MAP4: variants seen among roughly 807,000 people sequenced by gnomAD.
MAP4 encodes the protein microtubule associated protein 4.
MAP4 carries 76 observed loss-of-function variants against 170.2 expected under a neutral mutation model. The ratio of observed to expected loss-of-function variants is 0.45; its 90% CI spans 0.37 to 0.54. The LOEUF (loss-of-function observed/expected upper bound fraction) is 0.54. Ranked by LOEUF, MAP4 falls within the 20% of genes least tolerant of loss-of-function variation. MAP4 has a pLI of 0.00. For missense variants in MAP4, 2,506 were observed against 2,748.0 expected (o/e 0.91, Z 1.97); for synonymous variants, 909 against 994.5 (o/e 0.91, Z 1.62).
intron 3 of MAP4, among the ~76,000 whole-genome samples, chr3:47,936,233 G>C (rs2100052726): frequency 1.3e-5 from 2 of 151,646 alleles, no homozygotes; most frequent in African/African-American, 4.8e-5. Context: ...CAGAAGTTTG[G>C]CACCAGCCCG....
At chr3:47,998,407 G>C (rs555496631) in intron 2 of MAP4, among the ~76,000 whole-genome samples, 1 of 152,282 alleles carries the variant, frequency 6.6e-6, no homozygotes, top group East Asian at 1.9e-4. Context: ...AGATTATATG[G>C]TTGTTGAAAC....
intron 10 of MAP4, among the ~76,000 whole-genome samples, chr3:47,901,468 G>C (rs1010542000): frequency 6.6e-6 from 1 of 152,040 alleles, no homozygotes; most frequent in African/African-American, 2.4e-5. Flanking sequence ...TTGAGCTCAG[G>C]AGTTCAAGAC....
chr3:47,918,936 G>GT (rs573432909), intron 5 of MAP4, 95 bp from the exon 6 acceptor site: 24,912 of 938,688 alleles, frequency 0.027, 3 homozygotes, highest in South Asian at 0.033. Flanking sequence ...TGTTTTGTTT[G>GT]TTTTTTTTTT....
intron 1 of MAP4, among the ~76,000 whole-genome samples, chr3:48,030,653 AC>A (rs2100115563): frequency 6.6e-6 from 1 of 151,320 alleles, no homozygotes; most frequent in Non-Finnish European, 1.5e-5. Flanking sequence ...CCAAATATTA[AC>A]CAGGCATGAT....
chr3:47,914,924 G>A lies in MAP4; in HGVS notation c.1892C>T (p.Thr631Met), dbSNP rs552699428. ...GGCCGGCAAGCTGCACTTTTTCCCC[G>A]TTCCTGTGACGGTTTCTAAAGGTAA... Reference protein sequence around the residue: ...FMISPETVTGTGKKCSLPAEE... With the variant: ...FMISPETVTGMGKKCSLPAEE... Residue 631 changes from threonine to methionine, a missense_variant, in exon 8 of 21, where the codon ACG becomes ATG. By Grantham distance (81) the Thr-to-Met change is moderately conservative. Transcript: ENST00000683076. 1.8e-5 allele frequency: 29 copies of A among 1,613,896 alleles called. No homozygotes were observed. The highest frequency in any genetic ancestry group is 2.3e-5 in the Non-Finnish European group (27 of 1,179,982).
Position 47,870,861 on chromosome 3 carries a change from G to A in MAP4, c.6246C>T (p.Ser2082=), listed in dbSNP as rs896558393. The change falls in exon 15 of 21, where the codon TCC becomes TCT. Residue 2082 remains serine (S), a synonymous_variant. Coordinates refer to ENST00000683076, the MANE Select transcript of MAP4 (RefSeq NM_001385682.1). ...TSAPDLKNVR[S]KVGSTENIKH... ...TGATGTTTTCCGTGGAGCCAACCTT[G>A]GAGCGGACATTCTTCAGATCAGGAG... is the stretch of plus-strand genomic sequence containing the variant. The A allele has an allele frequency of 6.2e-7, 1 of 1,604,462 alleles. No homozygotes were observed. The highest frequency in any genetic ancestry group is 8.5e-7 in the Non-Finnish European group (1 of 1,174,082).
Position 47,911,928 on chromosome 3 carries a change from C to T in MAP4, c.2493G>A (p.Leu831=). The change falls in exon 9 of 21, where the codon TTG becomes TTA. Residue 831 remains leucine, a synonymous_variant. Transcript: ENST00000683076. The surrounding 1 kb of genome is among the most constrained non-coding windows in gnomAD (Gnocchi z 4.0). ...TEYGLVSGEN[L]KRECLVNSSA... ...TGGAGTTAACTAAACATTCCCTTTT[C>T]AAGTTTTCTCCAGATACAAGTCCAT... The T allele has an allele frequency of 6.5e-7, 1 of 1,536,044 alleles. No homozygotes were observed. The highest frequency in any genetic ancestry group is 8.7e-7 in the Non-Finnish European group (1 of 1,146,890).
chr3:47,862,158 C>A, intron 17 of MAP4, among the ~76,000 whole-genome samples: 1 of 94,880 alleles, frequency 1.1e-5, no homozygotes, highest in Non-Finnish European at 1.9e-5. Context: ...GAGACTCTGT[C>A]TCCAAAAAAA....
chr3:47,865,316 T>G (rs1246070175), intron 17 of MAP4, among the ~76,000 whole-genome samples: 1 of 152,226 alleles, frequency 6.6e-6, no homozygotes, highest in Admixed American at 6.5e-5. Context: ...ACCTTCTGTT[T>G]TCATCCAGGA....
intron 1 of MAP4, among the ~76,000 whole-genome samples, chr3:48,013,098 G>A (rs2100106120): frequency 6.6e-6 from 1 of 152,006 alleles, no homozygotes; most frequent in African/African-American, 2.4e-5. Flanking sequence ...TGTTAAACTG[G>A]TTCAAGTATT....
At chr3:48,032,463 A>G (rs748138945) in intron 1 of MAP4, among the ~76,000 whole-genome samples, 4 of 151,708 alleles carry the variant, frequency 2.6e-5, no homozygotes, top group African/African-American at 9.7e-5. Context: ...AGATCGCACC[A>G]CTACACTCCA....
rs555995559 is a variant in MAP4 at position 47,870,995 on chromosome 3, G to A, written c.6112C>T (p.Pro2038Ser). 4 of 1,614,180 alleles carry A rather than the reference G, an allele frequency of 2.5e-6. No homozygotes were observed. The highest frequency in any genetic ancestry group is 1.7e-5 in the Admixed American group (1 of 60,026). ...GVVPSRVKAT[P>S]MPSRPSTTPF... ...GTTGTGGAGGGCCGGGAGGGCATGG[G>A]TGTGGCCTTGACTCGGCTGGGAACC... The change falls in exon 15 of 21, where the codon CCC becomes TCC. Residue 2038 changes from proline (P) to serine (S), a missense_variant. Pro to Ser is a moderately conservative substitution (Grantham distance 74). Coordinates refer to ENST00000683076, the MANE Select transcript of MAP4 (RefSeq NM_001385682.1).
chr3:48,008,761 G>A (rs928284423), intron 1 of MAP4, among the ~76,000 whole-genome samples: 7 of 152,158 alleles, frequency 4.6e-5, no homozygotes, highest in African/African-American at 1.7e-4. Context: ...CATCGCCCAT[G>A]GCCAACAAAG....
intron 3 of MAP4, chr3:47,974,293 C>T (rs756679490): frequency 3.2e-5 from 10 of 309,818 alleles, no homozygotes; most frequent in Admixed American, 6.5e-5. Context: ...GGTGTGGTGG[C>T]GCACACCTAT....
chr3:48,051,229 A>G (rs1187964585), intron 1 of MAP4, among the ~76,000 whole-genome samples: 2 of 152,008 alleles, frequency 1.3e-5, no homozygotes, highest in East Asian at 3.9e-4. Flanking sequence ...CCTGGGCAAC[A>G]TGGCAAAACC....
At position 47,910,395 on chromosome 3, in the gene MAP4, C is replaced by T. The variant is rs762207201; in HGVS notation, c.4026G>A (p.Glu1342=). 6.5e-7 allele frequency: 1 copy of T among 1,536,906 alleles called. No individual in the cohort carries two copies. Among genetic ancestry groups the T allele is most frequent in the South Asian group, 1.2e-5 (1 of 84,068 alleles). ...TATTGGCTGCATCTGTCTTATTCTC[C>T]TCAGATACTACTGAAGGAACAAATC... ...GAGFVPSVVS[E]ENKTDAANRY... is the part of the protein sequence containing the mutation. The change falls in exon 9 of 21, where the codon GAG becomes GAA. Residue 1342 remains glutamate (E), a synonymous_variant. Coordinates refer to ENST00000683076, the MANE Select transcript of MAP4 (RefSeq NM_001385682.1).
intron 1 of MAP4, among the ~76,000 whole-genome samples, chr3:48,037,633 G>C (rs906980412): frequency 6.6e-6 from 1 of 152,008 alleles, no homozygotes; most frequent in Non-Finnish European, 1.5e-5. Flanking sequence ...GGGCCCAAGC[G>C]ATCCTGTCAC....
intron 1 of MAP4, among the ~76,000 whole-genome samples, chr3:48,057,588 A>G (rs2100132860): frequency 7.5e-6 from 1 of 133,624 alleles, no homozygotes; most frequent in African/African-American, 2.7e-5. Flanking sequence ...TCTGTGAGAA[A>G]CACCCAAGAA....
chr3:48,018,660 G>A (rs760271239), upstream of MAP4, among the ~76,000 whole-genome samples: 1 of 151,896 alleles, frequency 6.6e-6, no homozygotes, highest in African/African-American at 2.4e-5. Context: ...AAAATTAGCC[G>A]GGCGTGGTGG....
Sources: gnomAD v4.1 joint callset for allele counts (sites outside exome capture counted in the v4.1 genomes callset) on GRCh38, gnomAD v4.1.1 for gene constraint, Gnocchi (gnomAD v3.1) non-coding constraint, MANE v1.5 for transcripts, NCBI Gene and HGNC (gene_info 2026-07-23, HGNC 2026-07-21) for gene names.